CMSS1: variants seen among roughly 807,000 people sequenced by gnomAD.
The protein encoded by CMSS1 is cms1 ribosomal small subunit homolog.
CMSS1 carries 33 observed loss-of-function variants against 43.5 expected under a neutral mutation model. The ratio of observed to expected loss-of-function variants is 0.76; its 90% CI spans 0.57 to 1.01. The LOEUF is 1.01. CMSS1 is among the 50% of genes least tolerant of loss of function. The pLI, the probability that CMSS1 is intolerant of heterozygous loss-of-function variation, is 0.00. For missense variants in CMSS1, 313 were observed against 326.4 expected (o/e 0.96, Z 0.32); for synonymous variants, 115 against 117.2 (o/e 0.98, Z 0.12).
intron 1 of CMSS1, among the ~76,000 whole-genome samples, chr3:99,870,038 T>C (rs1944712546): frequency 6.6e-6 from 1 of 152,252 alleles, no homozygotes; most frequent in Admixed American, 6.5e-5. Flanking sequence ...TTAGCTAATT[T>C]GTCTCTGTAG....
chr3:99,859,004 A>T (rs570631048), intron 1 of CMSS1, among the ~76,000 whole-genome samples: 1 of 152,380 alleles, frequency 6.6e-6, no homozygotes, highest in South Asian at 2.1e-4. Context: ...ACCGTCAAAC[A>T]TAGATGGGAG....
chr3:99,915,161 G>A (rs1706912805), intron 1 of CMSS1, among the ~76,000 whole-genome samples: 1 of 152,102 alleles, frequency 6.6e-6, no homozygotes, highest in South Asian at 2.1e-4. Flanking sequence ...AAATGGGCTT[G>A]TCTTATATCC....
chr3:100,113,157 GGT>G (rs1465934062), intron 1 of CMSS1, among the ~76,000 whole-genome samples: 1 of 152,134 alleles, frequency 6.6e-6, no homozygotes, highest in Non-Finnish European at 1.5e-5. Context: ...ATCATTAATT[GGT>G]ATGGAAAGAA....
At chr3:100,100,388 A>G (rs2066284153) in intron 1 of CMSS1, among the ~76,000 whole-genome samples, 1 of 152,224 alleles carries the variant, frequency 6.6e-6, no homozygotes, top group Admixed American at 6.5e-5. Context: ...CTTATACATT[A>G]TAATATTATC....
chr3:100,080,589 G>A (rs2065918271), intron 1 of CMSS1, among the ~76,000 whole-genome samples: 1 of 152,196 alleles, frequency 6.6e-6, no homozygotes, highest in Admixed American at 6.5e-5. Context: ...GCCAGTCTCA[G>A]AAAGGCTGAA....
intron 1 of CMSS1, among the ~76,000 whole-genome samples, chr3:99,984,062 G>GTGTGTGTGTGTGTGTGTGTGTT (rs1424250163): frequency 3.3e-5 from 5 of 151,618 alleles, no homozygotes; most frequent in South Asian, 4.2e-4. Flanking sequence ...ATGTGTGTTT[G>GTGTGTGTGTGTGTGTGTGTGTT]TGTGTGTGTG....
chr3:100,112,255 G>A (rs1356016585), intron 1 of CMSS1, among the ~76,000 whole-genome samples: 2 of 152,058 alleles, frequency 1.3e-5, no homozygotes, highest in Non-Finnish European at 2.9e-5. Context: ...GTATTACATT[G>A]GTAATGAAAA....
intron 1 of CMSS1, among the ~76,000 whole-genome samples, chr3:100,010,761 C>T (rs193246248): frequency 6.8e-6 from 1 of 147,072 alleles, no homozygotes; most frequent in Admixed American, 6.9e-5. Context: ...ATTACAGGTG[C>T]GCGCCTCCAC....
chr3:100,047,311 G>A (rs1392697334), intron 1 of CMSS1, among the ~76,000 whole-genome samples: 1 of 152,146 alleles, frequency 6.6e-6, no homozygotes, highest in African/African-American at 2.4e-5. Flanking sequence ...TGAAGAAAAG[G>A]TGCTTCCAAA....
chr3:100,135,840 T>C, intron 1 of CMSS1, among the ~76,000 whole-genome samples: 1 of 152,166 alleles, frequency 6.6e-6, no homozygotes, highest in East Asian at 1.9e-4. Flanking sequence ...CTTAGTACTT[T>C]GCCTTCTGTC....
chr3:100,126,997 C>CAA lies in CMSS1; in HGVS notation c.65-19964_65-19963dup, dbSNP rs555086775. 2.8e-4 allele frequency among the ~76,000 whole-genome samples: 31 copies of CAA among 110,726 alleles called. 1 individual carries two copies. Among genetic ancestry groups the CAA allele is most frequent in the Non-Finnish European group, 3.2e-4 (17 of 53,172 alleles). The allele number at this position is 110,726 out of a possible 152,430, so 72.6% of individuals were successfully genotyped here. A position where few individuals can be genotyped will look rare whatever the true frequency, so the allele number is the denominator to read the frequency against. On this transcript the variant is annotated intron_variant, in intron 1 of 9. Coordinates refer to ENST00000421999, the MANE Select transcript of CMSS1 (RefSeq NM_032359.4). ...TGGGCGACAGAGTGAGACTCCGTCT[C>CAA]AAAAAAAAAAAAAGAAAGTTGGGCA...
At chr3:99,891,038 T>C (rs1049199456) in intron 1 of CMSS1, among the ~76,000 whole-genome samples, 7 of 152,050 alleles carry the variant, frequency 4.6e-5, no homozygotes, top group Admixed American at 1.3e-4. Flanking sequence ...ATCTTTGGGA[T>C]TTTTTTCTTT....
chr3:100,096,753 A>C (rs1326631062), intron 1 of CMSS1, among the ~76,000 whole-genome samples: 2 of 152,200 alleles, frequency 1.3e-5, no homozygotes, highest in African/African-American at 4.8e-5. Context: ...ATTTTAAAAT[A>C]ACTGAAAGAG....
chr3:99,978,021 A>G (rs1217033464), intron 1 of CMSS1, among the ~76,000 whole-genome samples: 1 of 152,214 alleles, frequency 6.6e-6, no homozygotes, highest in Non-Finnish European at 1.5e-5. Flanking sequence ...GAAGTTCCTC[A>G]TAATTCCACC....
chr3:100,039,355 C>T (rs1388688454), intron 1 of CMSS1, among the ~76,000 whole-genome samples: 1 of 152,008 alleles, frequency 6.6e-6, no homozygotes, highest in Non-Finnish European at 1.5e-5. Context: ...ACAGGAATAT[C>T]AAAGAGCAGA....
intron 1 of CMSS1, among the ~76,000 whole-genome samples, chr3:99,977,625 A>G (rs12489030): frequency 0.096 from 14,685 of 152,222 alleles, 849 homozygotes; most frequent in African/African-American, 0.16. Flanking sequence ...TGATTTTTTT[A>G]GTATACAGGC....
intron 1 of CMSS1, among the ~76,000 whole-genome samples, chr3:99,972,548 GC>G (rs1276224869): frequency 6.6e-6 from 1 of 152,156 alleles, no homozygotes; most frequent in East Asian, 1.9e-4. Flanking sequence ...GCTGTCTGCT[GC>G]TGGGCACAGC....
In CMSS1 at chr3:99,832,862, T is replaced by G. The variant is rs933820062; in HGVS notation, c.64+14819T>G. ...CTCAAAAAAAAAAAAAAAAAAGTTGTTTTTTTTTTTTTTCTTGTATGACTT... is the reference window on the plus strand; with the variant it reads ...CTCAAAAAAAAAAAAAAAAAAGTTGGTTTTTTTTTTTTTCTTGTATGACTT... On this transcript the variant is annotated intron_variant, in intron 1 of 9. Transcript: ENST00000421999. Among the ~76,000 whole-genome samples, 316 of 134,374 alleles carry G rather than the reference T, an allele frequency of 2.4e-3. 5 individuals are homozygous for G. The highest frequency in any genetic ancestry group is 3.9e-3 in the Non-Finnish European group (241 of 61,990). The allele number at this position is 134,374 out of a possible 152,430, so 88.2% of individuals were successfully genotyped here.
chr3:100,059,913 G>GCCT (rs763251746), intron 1 of CMSS1, among the ~76,000 whole-genome samples: 4 of 152,150 alleles, frequency 2.6e-5, no homozygotes, highest in Non-Finnish European at 5.9e-5. Flanking sequence ...CAACCTATGA[G>GCCT]CCTCCAGTCT....
Sources: gnomAD v4.1 joint callset for allele counts (sites outside exome capture counted in the v4.1 genomes callset) on GRCh38, gnomAD v4.1.1 for gene constraint, MANE v1.5 for transcripts, NCBI Gene and HGNC (gene_info 2026-07-23, HGNC 2026-07-21) for gene names.